LPP: variants seen among roughly 807,000 people sequenced by gnomAD.
LPP encodes the protein LIM domain containing preferred translocation partner in lipoma.
A neutral mutation model predicts 60.4 loss-of-function variants in LPP; 38 were observed. The ratio of observed to expected loss-of-function variants is 0.63; its 90% CI spans 0.49 to 0.83. The LOEUF is 0.83. Among genes scored for constraint, LPP ranks in the 40% least tolerant of loss-of-function variants. LPP has a pLI of 0.00. For missense variants in LPP, 902 were observed against 783.6 expected, an observed-to-expected ratio of 1.15 and a Z score of -1.80; for synonymous variants, 328 against 290.8, an observed-to-expected ratio of 1.13 and a Z score of -1.30.
chr3:188,547,368 A>C (rs1226803815), intron 6 of LPP, among the ~76,000 whole-genome samples: 1 of 152,168 alleles, frequency 6.6e-6, no homozygotes, highest in Non-Finnish European at 1.5e-5. Context: ...AACCTCAATT[A>C]ACTAATAGCT....
Position 188,866,390 on chromosome 3 carries a change from A to G in LPP, c.1589+12A>G, listed in dbSNP as rs377415677. 1.3e-5 allele frequency: 19 copies of G among 1,433,708 alleles called. No homozygotes were observed. Among genetic ancestry groups the G allele is most frequent in the Non-Finnish European group, 1.6e-5 (17 of 1,079,800 alleles). 88.8% of individuals were successfully genotyped at this position (1,433,708 alleles called of 1,614,324 possible). A position where few individuals can be genotyped will look rare whatever the true frequency, so the allele number is the denominator to read the frequency against. ...GAGGACTTCCACAAGTAGGCAACCT[A>G]CTCTCTCGTCACCACCCTGCCAGTC... On this transcript the variant is annotated intron_variant, in intron 10 of 11. Coordinates refer to ENST00000617246, the MANE Select transcript of LPP (RefSeq NM_001375462.1).
chr3:188,878,366 CT>C lies in LPP; in HGVS notation c.*3890del. 1 of 218,112 alleles carries C rather than the reference CT, an allele frequency of 4.6e-6. No homozygotes were observed. The highest frequency in any genetic ancestry group is 9.2e-6 in the Non-Finnish European group (1 of 108,292). 13.5% of individuals were successfully genotyped at this position (218,112 alleles called of 1,614,324 possible). A position where few individuals can be genotyped will look rare whatever the true frequency, so the allele number is the denominator to read the frequency against. On this transcript the variant is annotated 3_prime_UTR_variant, in exon 12 of 12. Coordinates refer to ENST00000617246, the MANE Select transcript of LPP (RefSeq NM_001375462.1). ...CACCATTCCTCTTGGCTTGGAAAGGCTTTATTTTTTCATATACATTTCTAGA... is the reference window on the plus strand; with the variant it reads ...CACCATTCCTCTTGGCTTGGAAAGGCTTATTTTTTCATATACATTTCTAGA...
chr3:188,237,337 C>A (rs1439003422), intron 2 of LPP, among the ~76,000 whole-genome samples: 1 of 152,200 alleles, frequency 6.6e-6, no homozygotes, highest in Non-Finnish European at 1.5e-5. Flanking sequence ...TAAATTTCTT[C>A]CAATCTCCTG....
chr3:188,495,193 A>ATATTTATAAATATATAATATATATATT (rs1553913697), intron 5 of LPP, among the ~76,000 whole-genome samples: 1 of 135,908 alleles, frequency 7.4e-6, no homozygotes. Context: ...TAATATATAT[A>ATATTTATAAATATATAATATATATATT]TTTATAAATA....
chr3:188,869,602 T>C (rs1767558715), intron 10 of LPP, among the ~76,000 whole-genome samples: 1 of 152,170 alleles, frequency 6.6e-6, no homozygotes, highest in Admixed American at 6.5e-5. Flanking sequence ...TAGTCTGCGT[T>C]TTAAACCAGT....
intron 9 of LPP, among the ~76,000 whole-genome samples, chr3:188,781,322 T>C (rs1237576254): frequency 1.3e-5 from 2 of 152,198 alleles, no homozygotes; most frequent in African/African-American, 4.8e-5. Context: ...AGAGATGCTA[T>C]GGACAGTACT....
At chr3:188,490,234 G>A (rs1807918843) in intron 5 of LPP, among the ~76,000 whole-genome samples, 1 of 152,136 alleles carries the variant, frequency 6.6e-6, no homozygotes, top group Admixed American at 6.5e-5. Context: ...TCAAAGGAGT[G>A]AGTAAGCACA....
In LPP at chr3:188,178,019, G is replaced by A. The variant is rs139263686; in HGVS notation, c.-190+23767G>A. ...GAGGTTTTGGCAAAGGCATACTTGG[G>A]AGTGTTGATATAGCTGACACTGCAG... is the stretch of plus-strand genomic sequence containing the variant. On this transcript the variant is annotated intron_variant, in intron 1 of 11. Coordinates refer to ENST00000617246, the MANE Select transcript of LPP (RefSeq NM_001375462.1). 2.2e-3 allele frequency among the ~76,000 whole-genome samples: 339 copies of A among 152,342 alleles called. 3 individuals carry two copies. The highest frequency in any genetic ancestry group is 7.8e-3 in the African/African-American group (325 of 41,584).
rs548314306 is a variant in LPP, at chr3:188,156,690, C to T, written c.-190+2438C>T. ...CTCTACTAAAAATACAAAAATTAGC[C>T]GGGTGTGGTGGCATGTGCCTGTAGT... On this transcript the variant is annotated intron_variant, in intron 1 of 11. Transcript: ENST00000617246. Among the ~76,000 whole-genome samples, 16 of 152,044 alleles carry T rather than the reference C, an allele frequency of 1.1e-4. 1 individual carries two copies. In the South Asian group the frequency reaches 2.5e-3, roughly 24 times the overall value.
intron 7 of LPP, among the ~76,000 whole-genome samples, chr3:188,628,617 A>T (rs1008910954): frequency 6.6e-6 from 1 of 152,104 alleles, no homozygotes; most frequent in Non-Finnish European, 1.5e-5. Flanking sequence ...AAAACCTACC[A>T]ACCAGTAAAA....
At chr3:188,382,171 C>G (rs971874460) in intron 3 of LPP, among the ~76,000 whole-genome samples, 1 of 152,190 alleles carries the variant, frequency 6.6e-6, no homozygotes, top group East Asian at 1.9e-4. Flanking sequence ...CCCATTTGCC[C>G]AGATGCTCCC....
At chr3:188,851,006 G>A (rs1317643469) in intron 9 of LPP, among the ~76,000 whole-genome samples, 1 of 152,242 alleles carries the variant, frequency 6.6e-6, no homozygotes, top group African/African-American at 2.4e-5. Flanking sequence ...GGAGAGGACA[G>A]AAGTAGGGCC....
At position 188,460,316 on chromosome 3, in the gene LPP, T is replaced by C. The variant is rs200840901; in HGVS notation, c.194-24276T>C. ...AGAATGGGACCTCTACTTTGGATTC[T>C]ATTTCATCCATCCTATACAAAGAGA... is the stretch of plus-strand genomic sequence containing the variant. On this transcript the variant is annotated intron_variant, in intron 4 of 11. Coordinates refer to ENST00000617246, the MANE Select transcript of LPP (RefSeq NM_001375462.1). 2.0e-5 allele frequency among the ~76,000 whole-genome samples: 3 copies of C among 152,342 alleles called. No individual in the cohort carries two copies. In the East Asian group the frequency reaches 5.8e-4, roughly 29 times the overall value.
At chr3:188,551,312 G>A (rs1212196296) in intron 6 of LPP, among the ~76,000 whole-genome samples, 1 of 152,152 alleles carries the variant, frequency 6.6e-6, no homozygotes, top group Non-Finnish European at 1.5e-5. Context: ...CACGAGAACA[G>A]TATGGGGGAA....
chr3:188,437,640 A>C (rs1294583024), intron 4 of LPP, among the ~76,000 whole-genome samples: 1 of 152,196 alleles, frequency 6.6e-6, no homozygotes, highest in Non-Finnish European at 1.5e-5. Context: ...TTTTCACTTA[A>C]TACTACAGAA....
intron 4 of LPP, among the ~76,000 whole-genome samples, chr3:188,411,528 A>G (rs1343427387): frequency 6.6e-6 from 1 of 152,138 alleles, no homozygotes; most frequent in Non-Finnish European, 1.5e-5. Flanking sequence ...TTGTGAAATT[A>G]TTTTGGTATA....
intron 1 of LPP, among the ~76,000 whole-genome samples, chr3:188,196,839 TC>T (rs926142089): frequency 1.3e-4 from 20 of 152,270 alleles, no homozygotes; most frequent in African/African-American, 4.6e-4. Context: ...TCTCTGTAGC[TC>T]CCGTGACCTC....
intron 1 of LPP, among the ~76,000 whole-genome samples, chr3:188,201,427 C>T (rs1731045298): frequency 6.6e-6 from 1 of 152,158 alleles, no homozygotes; most frequent in African/African-American, 2.4e-5. Context: ...GTGACGGATG[C>T]CAGGCGTGGT....
chr3:188,262,635 GTC>G (rs990383938), intron 2 of LPP, among the ~76,000 whole-genome samples: 3 of 149,788 alleles, frequency 2.0e-5, no homozygotes, highest in Non-Finnish European at 3.0e-5. Context: ...TCTCTCTCTT[GTC>G]TCTCTCTCTT....
Sources: gnomAD v4.1 joint callset for allele counts (sites outside exome capture counted in the v4.1 genomes callset) on GRCh38, gnomAD v4.1.1 for gene constraint, MANE v1.5 for transcripts, NCBI Gene and HGNC (gene_info 2026-07-23, HGNC 2026-07-21) for gene names.